BCR: variants seen among roughly 807,000 people sequenced by gnomAD.
The protein encoded by BCR is BCR activator of RhoGEF and GTPase.
In BCR, 58 loss-of-function variants were observed where a neutral mutation model predicts 138.6. That is an observed-to-expected ratio of 0.42 (90% CI 0.34 to 0.52). The LOEUF (loss-of-function observed/expected upper bound fraction) is 0.52, where lower values mean the gene tolerates loss of function less well. Among genes scored for constraint, BCR ranks in the 20% least tolerant of loss-of-function variants. The pLI is 0.06. For missense variants in BCR, 1,599 were observed against 1,727.2 expected (o/e 0.93, Z 1.32); for synonymous variants, 786 against 730.1 (o/e 1.08, Z -1.23).
At chr22:23,225,526 A>G (rs902973662) in intron 1 of BCR, among the ~76,000 whole-genome samples, 1 of 152,202 alleles carries the variant, frequency 6.6e-6, no homozygotes, top group Non-Finnish European at 1.5e-5. Flanking sequence ...TTCAGTCTGC[A>G]TTGGTGGCTA....
chr22:23,290,457 G>A, intron 14 of BCR, 44 bp downstream of exon 14: 1 of 1,580,582 alleles, frequency 6.3e-7, no homozygotes, highest in Non-Finnish European at 8.7e-7. Context: ...GCCGAGCCAG[G>A]GTCTCCACCC....
intron 16 of BCR, chr22:23,306,221 A>T (rs1486230418): frequency 6.6e-6 from 1 of 152,212 alleles, no homozygotes; most frequent in African/African-American, 2.4e-5. Flanking sequence ...GGGCCCGATA[A>T]AGAGCCCTCC....
intron 1 of BCR, among the ~76,000 whole-genome samples, chr22:23,198,556 G>A (rs2072509776): frequency 6.6e-6 from 1 of 152,192 alleles, no homozygotes. Context: ...GCCACCGCAG[G>A]TAAGGGGAGT....
At chr22:23,260,838 G>A in intron 2 of BCR, 112 bp from the exon 3 acceptor site, 2 of 979,284 alleles carry the variant, frequency 2.0e-6, no homozygotes, top group South Asian at 1.3e-5. Context: ...GCCTTTGTGG[G>A]GGCAGGGGTT....
chr22:23,231,833 G>A (rs1311321238), intron 1 of BCR, among the ~76,000 whole-genome samples: 3 of 152,198 alleles, frequency 2.0e-5, no homozygotes, highest in Admixed American at 1.3e-4. Context: ...GGAGAATTTT[G>A]TTTGGAGCTG....
intron 19 of BCR, 135 bp from the exon 20 acceptor site, chr22:23,312,752 A>G: frequency 1.2e-6 from 1 of 814,544 alleles, no homozygotes; most frequent in Non-Finnish European, 2.0e-6. Context: ...GAGGAGTCAG[A>G]TGAGCTGCTC....
At chr22:23,232,302 T>C (rs1442312792) in intron 1 of BCR, among the ~76,000 whole-genome samples, 1 of 152,238 alleles carries the variant, frequency 6.6e-6, no homozygotes, top group African/African-American at 2.4e-5. Context: ...CCACTTTTTA[T>C]TGACAAGAAG....
intron 1 of BCR, among the ~76,000 whole-genome samples, chr22:23,216,360 C>T (rs1193610439): frequency 6.6e-6 from 1 of 152,208 alleles, no homozygotes; most frequent in East Asian, 1.9e-4. Flanking sequence ...AAAATTGCTT[C>T]CCCCTTTTCT....
At chr22:23,242,889 C>T (rs890830980) in intron 1 of BCR, 1 of 455,706 alleles carries the variant, frequency 2.2e-6, no homozygotes, top group South Asian at 1.6e-5. Context: ...AGGGGAGGAT[C>T]CTTCCTTTCT....
chr22:23,208,643 A>G (rs1278541963), intron 1 of BCR, among the ~76,000 whole-genome samples: 1 of 152,080 alleles, frequency 6.6e-6, no homozygotes, highest in Non-Finnish European at 1.5e-5. Flanking sequence ...ACCTGAAGTC[A>G]GGAGTTCAAG....
rs549810892 is a variant in BCR at position 23,288,969 on chromosome 22, A to G, written c.2603-548A>G. On this transcript the variant is annotated intron_variant, in intron 12 of 22. Transcript: ENST00000305877. ...ATGCAGAGCCACCTCTCGGCCCCCA[A>G]TGCCACCGTGGCCTGGGGGATCAAG... Among the ~76,000 whole-genome samples, 36 of 152,202 alleles carry G rather than the reference A, an allele frequency of 2.4e-4. No individual in the cohort carries two copies. The South Asian group carries it at 2.9e-3, about 12-fold the overall frequency.
In BCR at chr22:23,180,870, C is replaced by G. The variant is rs1300084403; in HGVS notation, c.-91C>G. Reference sequence around the variant, plus strand: ...CGCCGCGCGGGCCATGGGGGCCGCCCGGCGCCCGGGGCCGGGCTGGCGAGG... The same window carrying G: ...CGCCGCGCGGGCCATGGGGGCCGCCGGGCGCCCGGGGCCGGGCTGGCGAGG... On this transcript the variant is annotated 5_prime_UTR_variant, in exon 1 of 23. Transcript: ENST00000305877. 15 of 748,848 alleles carry G rather than the reference C, an allele frequency of 2.0e-5. No homozygotes were observed. The highest frequency in any genetic ancestry group is 4.7e-5 in the African/African-American group (1 of 21,396). The allele number at this position is 748,848 out of a possible 1,614,324, so 46.4% of individuals were successfully genotyped here. A position where few individuals can be genotyped will look rare whatever the true frequency, so the allele number is the denominator to read the frequency against.
At chr22:23,240,893 G>T (rs1204357023) in intron 1 of BCR, among the ~76,000 whole-genome samples, 1 of 152,056 alleles carries the variant, frequency 6.6e-6, no homozygotes, top group Non-Finnish European at 1.5e-5. Context: ...CTATGAATTT[G>T]ACTACTCTAG....
intron 1 of BCR, among the ~76,000 whole-genome samples, chr22:23,248,585 T>G (rs755769543): frequency 6.6e-6 from 1 of 152,146 alleles, no homozygotes; most frequent in Non-Finnish European, 1.5e-5. Context: ...AAAGAATAGA[T>G]TTGCAGAGTT....
At chr22:23,313,061 T>A in intron 20 of BCR, 40 bp downstream of exon 20, 5 of 1,539,682 alleles carry the variant, frequency 3.2e-6, no homozygotes, top group Non-Finnish European at 4.4e-6. Context: ...AGACGTCTCC[T>A]CCACGTGCAC....
rs2072236303 is a variant in BCR, at chr22:23,180,847, C to T, written c.-114C>T. On this transcript the variant is annotated 5_prime_UTR_variant, in exon 1 of 23. Transcript: ENST00000305877. ...CGGGCATTGTTCGCCGCCGCCGCCG[C>T]CGCGCGGGCCATGGGGGCCGCCCGG... The T allele has an allele frequency of 8.0e-6, 3 of 374,286 alleles. No individual in the cohort carries two copies. The highest frequency in any genetic ancestry group is 8.8e-6 in the Non-Finnish European group (3 of 341,992). The allele number at this position is 374,286 out of a possible 1,614,324, so 23.2% of individuals were successfully genotyped here. A position where few individuals can be genotyped will look rare whatever the true frequency, so the allele number is the denominator to read the frequency against.
chr22:23,288,171 G>A lies in BCR; in HGVS notation c.2601G>A (p.Lys867=). The change falls in exon 12 of 23, where the codon AAG becomes AAA. Residue 867 remains lysine, a splice_region_variant and synonymous_variant. Coordinates refer to ENST00000305877, the MANE Select transcript of BCR (RefSeq NM_004327.4). ...WRENIREQQK[K]CFRSFSLTSV... ...AGAACATCCGGGAGCAGCAGAAGAAGTGTGAGTATCCTCTGTCCTGAGAGG... is the reference window on the plus strand; with the variant it reads ...AGAACATCCGGGAGCAGCAGAAGAAATGTGAGTATCCTCTGTCCTGAGAGG... The A allele has an allele frequency of 1.9e-6, 3 of 1,613,860 alleles. No homozygotes were observed. Among genetic ancestry groups the A allele is most frequent in the Non-Finnish European group, 2.5e-6 (3 of 1,179,768 alleles).
chr22:23,264,374 C>T, intron 4 of BCR: 3 of 895,170 alleles, frequency 3.4e-6, no homozygotes, highest in Non-Finnish European at 5.6e-6. Flanking sequence ...CAGGGCCACC[C>T]CTGCCTGTGG....
chr22:23,311,863 A>G (rs568395855), intron 19 of BCR, 27 bp downstream of exon 19: 50 of 1,610,364 alleles, frequency 3.1e-5, no homozygotes, highest in East Asian at 2.9e-4. Context: ...GCAGGACGGG[A>G]TGGAGGTGTG....
Sources: gnomAD v4.1 joint callset for allele counts (sites outside exome capture counted in the v4.1 genomes callset) on GRCh38, gnomAD v4.1.1 for gene constraint, MANE v1.5 for transcripts, NCBI Gene and HGNC (gene_info 2026-07-23, HGNC 2026-07-21) for gene names.